The following ANKRD34C variants were observed in gnomAD, a reference collection of about 807,000 sequenced individuals.
ANKRD34C encodes the protein ankyrin repeat domain-containing protein 34C.
For synonymous variants in ANKRD34C, 260 were observed against 253.6 expected, an observed-to-expected ratio of 1.03 and a Z score of -0.24; for missense variants, 563 against 653.0, an observed-to-expected ratio of 0.86 and a Z score of 1.50.
intron 1 of ANKRD34C, among the ~76,000 whole-genome samples, chr15:79,288,812 CTTTTTTTTTTTTTT>C (rs60075615): frequency 9.0e-5 from 5 of 55,540 alleles, no homozygotes; most frequent in Non-Finnish European, 1.6e-4. Context: ...GCCCAGTATT[CTTTTTTTTTTTTTT>C]TTTTTTTTTT....
Position 79,297,341 on chromosome 15 carries a change from G to A in ANKRD34C, c.*2449G>A, listed in dbSNP as rs555031427. 3.0e-5 allele frequency: 5 copies of A among 167,178 alleles called. No homozygotes were observed. In the South Asian group the frequency reaches 8.3e-4, roughly 28 times the overall value. The allele number at this position is 167,178 out of a possible 1,614,324, so 10.4% of individuals were successfully genotyped here. A position where few individuals can be genotyped will look rare whatever the true frequency, so the allele number is the denominator to read the frequency against. On this transcript the variant is annotated 3_prime_UTR_variant, in exon 2 of 2. Transcript: ENST00000421388. ...GTGTCACTTAAAACTGATCTCTGCT[G>A]GTAGTATTCAGTTGTGAGTATAGCA...
chr15:79,284,018 G>A (rs543924730), intron 1 of ANKRD34C: 2 of 152,354 alleles, frequency 1.3e-5, no homozygotes, highest in Admixed American at 6.5e-5. Flanking sequence ...GAAAACTACA[G>A]GCAAACTGTG....
Position 79,293,458 on chromosome 15 carries a change from C to A in ANKRD34C, c.174C>A (p.Asp58Glu). 6.4e-7 allele frequency: 1 copy of A among 1,551,530 alleles called. No homozygotes were observed. Among genetic ancestry groups the A allele is most frequent in the Non-Finnish European group, 8.7e-7 (1 of 1,146,910 alleles). ...TGGCGTGCATCACCAAACATGTGGA[C>A]CAGCAAAGCATCAGCAAGTCCAAGA... Reference protein sequence around the residue: ...LMVACITKHVDQQSISKSKMV... With the variant: ...LMVACITKHVEQQSISKSKMV... The change falls in exon 2 of 2, where the codon GAC (aspartate) becomes GAA (glutamate). Residue 58 changes from aspartate to glutamate, a missense_variant. Asp to Glu is a conservative substitution (Grantham distance 45). Coordinates refer to ENST00000421388, the MANE Select transcript of ANKRD34C (RefSeq NM_001146341.2).
Position 79,294,029 on chromosome 15 carries a change from A to C in ANKRD34C, c.745A>C (p.Arg249=). ...LKRARLPQLK[R]LQSEPWGLIA... is the part of the protein sequence containing the mutation. Reference sequence around the variant, plus strand: ...AAGGGCCCGTTTGCCTCAACTGAAGAGGCTCCAGTCTGAACCTTGGGGCCT... The same window carrying C: ...AAGGGCCCGTTTGCCTCAACTGAAGCGGCTCCAGTCTGAACCTTGGGGCCT... The change falls in exon 2 of 2, where the codon AGG becomes CGG. Residue 249 remains arginine, a synonymous_variant. Coordinates refer to ENST00000421388, the MANE Select transcript of ANKRD34C (RefSeq NM_001146341.2). The C allele has an allele frequency of 6.4e-7, 1 of 1,551,616 alleles. No homozygotes were observed. Among genetic ancestry groups the C allele is most frequent in the Non-Finnish European group, 8.7e-7 (1 of 1,146,950 alleles).
Position 79,294,085 on chromosome 15 carries a change from G to T in ANKRD34C, c.801G>T (p.Thr267=). ...LIAPSVLAAS[T]RQDETHGAST... is the part of the protein sequence containing the mutation. ...CGCCCTCGGTGCTGGCAGCCTCGAC[G>T]CGTCAGGATGAGACCCATGGTGCCA... The change falls in exon 2 of 2, where the codon ACG becomes ACT. Residue 267 remains threonine, a synonymous_variant. Coordinates refer to ENST00000421388, the MANE Select transcript of ANKRD34C (RefSeq NM_001146341.2). The T allele has an allele frequency of 6.4e-7, 1 of 1,551,534 alleles. No homozygotes were observed. The highest frequency in any genetic ancestry group is 8.7e-7 in the Non-Finnish European group (1 of 1,146,996).
chr15:79,294,776 G>C lies in ANKRD34C; in HGVS notation c.1492G>C (p.Ala498Pro), dbSNP rs1359482566. Residue 498 changes from alanine to proline, a missense_variant, in exon 2 of 2, where the codon GCT becomes CCT. Coordinates refer to ENST00000421388, the MANE Select transcript of ANKRD34C (RefSeq NM_001146341.2). ...ASGLKSMVPV[A>P]PSSPKRVDLR... ...TGGCTTAAAATCTATGGTTCCTGTT[G>C]CTCCAAGTTCACCAAAGAGAGTTGA... 6.4e-7 allele frequency: 1 copy of C among 1,551,686 alleles called. No individual in the cohort carries two copies.
At position 79,293,944 on chromosome 15, in the gene ANKRD34C, T is replaced by C; in HGVS notation, c.660T>C (p.Cys220=). Reference sequence around the variant, plus strand: ...TCCAAGCAGGGCATCCAAGCAGTTGTAACACCTCCAAGGCTGTTAATGAGC... The same window carrying C: ...TCCAAGCAGGGCATCCAAGCAGTTGCAACACCTCCAAGGCTGTTAATGAGC... ...FSLQAGHPSS[C]NTSKAVNEPG... is the part of the protein sequence containing the mutation. Residue 220 remains cysteine (C), a synonymous_variant, in exon 2 of 2, where the codon TGT becomes TGC. Transcript: ENST00000421388. 4 of 1,551,672 alleles carry C rather than the reference T, an allele frequency of 2.6e-6. No individual in the cohort carries two copies. Among genetic ancestry groups the C allele is most frequent in the Non-Finnish European group, 3.5e-6 (4 of 1,147,000 alleles).
rs1201217067 is a variant in ANKRD34C, at chr15:79,283,097, A to G, written c.-176A>G. Among the ~76,000 whole-genome samples the G allele has an allele frequency of 1.3e-5, 2 of 152,166 alleles. No homozygotes were observed. Among genetic ancestry groups the G allele is most frequent in the African/African-American group, 4.8e-5 (2 of 41,444 alleles). ...GCTCCCGGCGCTGGTTCAGTCTGGC[A>G]GTGCCCTCTGGCAGCCAACCCGCAG... is the stretch of plus-strand genomic sequence containing the variant. On this transcript the variant is annotated 5_prime_UTR_variant, in exon 1 of 2. Coordinates refer to ENST00000421388, the MANE Select transcript of ANKRD34C (RefSeq NM_001146341.2).
rs2058666555 is a variant in ANKRD34C, at chr15:79,294,125, G to T, written c.841G>T (p.Val281Phe). 3 of 1,551,422 alleles carry T rather than the reference G, an allele frequency of 1.9e-6. No individual in the cohort carries two copies. The highest frequency in any genetic ancestry group is 1.4e-5 in the African/African-American group (1 of 73,038). Reference sequence around the variant, plus strand: ...CCATGGTGCCAGCACAGACAACGAGGTCATCAAGAGCATCAGTGATATATC... The same window carrying T: ...CCATGGTGCCAGCACAGACAACGAGTTCATCAAGAGCATCAGTGATATATC... ...ETHGASTDNE[V>F]IKSISDISFP... The change falls in exon 2 of 2, where the codon GTC becomes TTC. Residue 281 changes from valine (V) to phenylalanine (F), a missense_variant. Val to Phe is a conservative substitution (Grantham distance 50). Coordinates refer to ENST00000421388, the MANE Select transcript of ANKRD34C (RefSeq NM_001146341.2).
rs1394964498 is a variant in ANKRD34C at position 79,293,263 on chromosome 15, G to A, written c.-22G>A. 2 of 1,480,434 alleles carry A rather than the reference G, an allele frequency of 1.4e-6. No homozygotes were observed. Among genetic ancestry groups the A allele is most frequent in the South Asian group, 1.4e-5 (1 of 70,644 alleles). The allele number at this position is 1,480,434 out of a possible 1,614,324, so 91.7% of individuals were successfully genotyped here. On this transcript the variant is annotated 5_prime_UTR_variant, in exon 2 of 2. Coordinates refer to ENST00000421388, the MANE Select transcript of ANKRD34C (RefSeq NM_001146341.2). ...TAGGTTTGATTGCTACTGTGGCTCA[G>A]GTCCTCTAAACTGTAGCCAATATGA...
chr15:79,297,269 A>G lies in ANKRD34C; in HGVS notation c.*2377A>G, dbSNP rs2058674518. On this transcript the variant is annotated 3_prime_UTR_variant, in exon 2 of 2. Transcript: ENST00000421388. ...TCATTAAATGCAAATACACACACGC[A>G]AAGAGAGAGAGAGAACACATTTTAC... The G allele has an allele frequency of 6.0e-6, 1 of 167,068 alleles. No homozygotes were observed. Among genetic ancestry groups the G allele is most frequent in the Admixed American group, 6.6e-5 (1 of 15,246 alleles). The allele number at this position is 167,068 out of a possible 1,614,324, so 10.3% of individuals were successfully genotyped here.
intron 1 of ANKRD34C, among the ~76,000 whole-genome samples, chr15:79,284,727 TTATA>T (rs2058638542): frequency 6.6e-6 from 1 of 152,232 alleles, no homozygotes. Context: ...CATTTGATCC[TTATA>T]ACAATGTTGT....
chr15:79,292,882 T>G (rs1177604694), intron 1 of ANKRD34C, among the ~76,000 whole-genome samples: 1 of 152,258 alleles, frequency 6.6e-6, no homozygotes, highest in African/African-American at 2.4e-5. Context: ...CTAAGGAATG[T>G]AGAGTTCTAC....
At position 79,297,905 on chromosome 15, in the gene ANKRD34C, A is replaced by G. The variant is rs1003106804; in HGVS notation, c.*3013A>G. 1 of 166,304 alleles carries G rather than the reference A, an allele frequency of 6.0e-6. No individual in the cohort carries two copies. Among genetic ancestry groups the G allele is most frequent in the Non-Finnish European group, 1.5e-5 (1 of 68,116 alleles). 10.3% of individuals were successfully genotyped at this position (166,304 alleles called of 1,614,324 possible). ...GCATTTCTGGACTGTTTATCAAAAT[A>G]TATTACAGAATGTGAGACTAAAGTT... On this transcript the variant is annotated 3_prime_UTR_variant, in exon 2 of 2. Coordinates refer to ENST00000421388, the MANE Select transcript of ANKRD34C (RefSeq NM_001146341.2).
chr15:79,292,078 G>A lies in ANKRD34C; in HGVS notation c.-44-1163G>A, dbSNP rs75926845. 2.7e-3 allele frequency among the ~76,000 whole-genome samples: 418 copies of A among 152,308 alleles called. 4 individuals carry two copies. Among genetic ancestry groups the A allele is most frequent in the Admixed American group, 0.017 (264 of 15,294 alleles). ...ATATAAATAAATAAATAACTGCTCA[G>A]GCAAATAGCGTAAGAGAAAGAATGA... On this transcript the variant is annotated intron_variant, in intron 1 of 1. Coordinates refer to ENST00000421388, the MANE Select transcript of ANKRD34C (RefSeq NM_001146341.2).
Position 79,294,027 on chromosome 15 carries a change from A to T in ANKRD34C, c.743A>T (p.Lys248Met), listed in dbSNP as rs1026208731. ...AAAAGGGCCCGTTTGCCTCAACTGA[A>T]GAGGCTCCAGTCTGAACCTTGGGGC... ...NLKRARLPQLKRLQSEPWGLI... is the reference protein window; with the variant it reads ...NLKRARLPQLMRLQSEPWGLI... Residue 248 changes from lysine to methionine, a missense_variant, in exon 2 of 2, where the codon AAG (lysine) becomes ATG (methionine). Transcript: ENST00000421388. 5.2e-6 allele frequency: 8 copies of T among 1,551,510 alleles called. No homozygotes were observed. Among genetic ancestry groups the T allele is most frequent in the Non-Finnish European group, 7.0e-6 (8 of 1,146,980 alleles).
In ANKRD34C at chr15:79,293,297, G is replaced by A. The variant is rs183612932; in HGVS notation, c.13G>A (p.Asp5Asn). The A allele has an allele frequency of 5.1e-5, 77 of 1,519,582 alleles. No individual in the cohort carries two copies. The highest frequency in any genetic ancestry group is 5.0e-4 in the African/African-American group (36 of 72,174). 94.1% of individuals were successfully genotyped at this position (1,519,582 alleles called of 1,614,324 possible). Residue 5 changes from aspartate to asparagine, a missense_variant, in exon 2 of 2, where the codon GAC becomes AAC. Coordinates refer to ENST00000421388, the MANE Select transcript of ANKRD34C (RefSeq NM_001146341.2). ...AACTGTAGCCAATATGATGGATGAT[G>A]ACACTGAATTAAGGACTGATGGAAA... The part of the protein sequence containing the change: MMDD[D>N]TELRTDGNSL...
intron 1 of ANKRD34C, among the ~76,000 whole-genome samples, chr15:79,290,073 G>A (rs1365253278): frequency 6.6e-6 from 1 of 152,062 alleles, no homozygotes; most frequent in Non-Finnish European, 1.5e-5. Flanking sequence ...CACCCAGGCT[G>A]GAGTGCAGTG....
chr15:79,288,302 G>A (rs1482509500), intron 1 of ANKRD34C, among the ~76,000 whole-genome samples: 1 of 152,162 alleles, frequency 6.6e-6, no homozygotes, highest in African/African-American at 2.4e-5. Flanking sequence ...GCAAATATAG[G>A]GGATACGTTA....
Sources: gnomAD v4.1 joint callset for allele counts (sites outside exome capture counted in the v4.1 genomes callset) on GRCh38, gnomAD v4.1.1 for gene constraint, MANE v1.5 for transcripts, NCBI Gene and HGNC (gene_info 2026-07-23, HGNC 2026-07-21) for gene names.